The following RBFOX1 variants were observed in gnomAD, a reference collection of about 807,000 sequenced individuals.
RBFOX1 encodes RNA binding fox-1 homolog 1.
RBFOX1 carries 8 observed loss-of-function variants against 57.7 expected under a neutral mutation model. The observed-to-expected ratio is 0.14, with a 90% CI of 0.08 to 0.25. The LOEUF (loss-of-function observed/expected upper bound fraction) is 0.25, where lower values mean the gene tolerates loss of function less well. RBFOX1 is among the 10% of genes least tolerant of loss of function. RBFOX1 has a pLI of 1.00. For synonymous variants in RBFOX1, 326 were observed against 222.4 expected (o/e 1.47, Z -4.15); for missense variants, 611 against 548.5 (o/e 1.11, Z -1.14).
chr16:6,721,130 A>G (rs2065905019), intron 3 of RBFOX1, among the ~76,000 whole-genome samples: 2 of 150,850 alleles, frequency 1.3e-5, no homozygotes, highest in South Asian at 4.3e-4. Flanking sequence ...TAATTGTGGT[A>G]AAGTACACGT....
chr16:5,956,670 A>ATT (rs1303621980), intron 4 of RBFOX1, among the ~76,000 whole-genome samples: 5 of 45,850 alleles, frequency 1.1e-4, no homozygotes, highest in East Asian at 1.3e-3. Context: ...ATATATATAT[A>ATT]TATATATATT....
At chr16:7,479,398 G>C (rs1242597706) in intron 4 of RBFOX1, among the ~76,000 whole-genome samples, 1 of 152,092 alleles carries the variant, frequency 6.6e-6, no homozygotes, top group African/African-American at 2.4e-5. Flanking sequence ...CCAAAGTGCT[G>C]GGATTACAGG....
At chr16:7,306,388 A>G (rs2096186503) in intron 4 of RBFOX1, among the ~76,000 whole-genome samples, 1 of 152,234 alleles carries the variant, frequency 6.6e-6, no homozygotes, top group South Asian at 2.1e-4. Context: ...GGAGGCTTGA[A>G]GAAAACATTG....
chr16:6,068,520 T>G (rs12149687), intron 1 of RBFOX1, among the ~76,000 whole-genome samples: 142,352 of 152,082 alleles, frequency 0.94, 66,732 homozygotes, highest in African/African-American at 0.98. Flanking sequence ...TTTATTGGGG[T>G]TGTGAAGATA....
At chr16:5,871,929 G>C (rs991674175) in intron 4 of RBFOX1, among the ~76,000 whole-genome samples, 2 of 152,154 alleles carry the variant, frequency 1.3e-5, no homozygotes, top group African/African-American at 4.8e-5. Flanking sequence ...ATTGCAATGG[G>C]AAACTACGCA....
intron 4 of RBFOX1, among the ~76,000 whole-genome samples, chr16:7,455,989 C>T (rs1355619266): frequency 6.6e-6 from 1 of 152,108 alleles, no homozygotes; most frequent in Admixed American, 6.5e-5. Flanking sequence ...TTATTAAGGG[C>T]AGGGCCAGCT....
At chr16:5,476,434 C>T (rs1339823115) in intron 2 of RBFOX1, among the ~76,000 whole-genome samples, 8 of 152,176 alleles carry the variant, frequency 5.3e-5, no homozygotes, top group African/African-American at 1.4e-4. Flanking sequence ...AGAACACAGT[C>T]GTTCTCCCTA....
Position 6,548,025 on chromosome 16 carries a change from T to C in RBFOX1, c.-63-106578T>C, listed in dbSNP as rs187209969. The stretch of plus-strand genomic sequence containing the variant: ...ATAGCCCTTATTATCTATTTTCTTA[T>C]TGACAAGCTCAGACTATTCATCGTA... On this transcript the variant is annotated intron_variant, in intron 2 of 15. Transcript: ENST00000550418. Among the ~76,000 whole-genome samples, 584 of 152,312 alleles carry C rather than the reference T, an allele frequency of 3.8e-3. 9 individuals are homozygous for C. Among genetic ancestry groups the C allele is most frequent in the African/African-American group, 0.013 (545 of 41,564 alleles).
At chr16:7,563,461 T>TAC (rs201380250) in intron 5 of RBFOX1, among the ~76,000 whole-genome samples, 178 of 152,286 alleles carry the variant, frequency 1.2e-3, no homozygotes, top group African/African-American at 4.2e-3. Flanking sequence ...GTTATATATA[T>TAC]ACATGTTTTT....
At chr16:5,517,272 G>A (rs906817517) in intron 2 of RBFOX1, among the ~76,000 whole-genome samples, 62 of 152,078 alleles carry the variant, frequency 4.1e-4, no homozygotes, top group African/African-American at 1.2e-3. Flanking sequence ...GCAGAATTGC[G>A]CAGAATTGTT....
chr16:7,277,981 T>C lies in RBFOX1; in HGVS notation c.27+225883T>C, dbSNP rs1397205622. The stretch of plus-strand genomic sequence containing the variant: ...AAAAAAAGGTACTAAGACATTAATA[T>C]TTTATTGAAAAGAGGCAAGAATTCT... On this transcript the variant is annotated intron_variant, in intron 4 of 15. Coordinates refer to ENST00000550418, the MANE Select transcript of RBFOX1 (RefSeq NM_018723.4). Among the ~76,000 whole-genome samples the C allele has an allele frequency of 2.0e-5, 3 of 152,048 alleles. No individual in the cohort carries two copies. The East Asian group carries it at 5.8e-4, about 29-fold the overall frequency.
At chr16:6,304,072 A>C (rs149858444) in intron 1 of RBFOX1, among the ~76,000 whole-genome samples, 9,825 of 151,142 alleles carry the variant, frequency 0.065, 354 homozygotes, top group South Asian at 0.097. Context: ...GGCCTCCCAA[A>C]GTGCTGGGAT....
chr16:7,406,978 C>G (rs914408380), intron 4 of RBFOX1, among the ~76,000 whole-genome samples: 16 of 152,172 alleles, frequency 1.1e-4, no homozygotes, highest in African/African-American at 3.9e-4. Context: ...TTTGTATGTC[C>G]TGTGATCTCT....
At chr16:7,561,332 A>G (rs1180419605) in intron 5 of RBFOX1, among the ~76,000 whole-genome samples, 1 of 152,230 alleles carries the variant, frequency 6.6e-6, no homozygotes, top group Non-Finnish European at 1.5e-5. Context: ...GGCCCTTTAA[A>G]GAAAAAGCAT....
chr16:6,863,009 G>T (rs906384221), intron 3 of RBFOX1, among the ~76,000 whole-genome samples: 1 of 151,722 alleles, frequency 6.6e-6, no homozygotes, highest in Non-Finnish European at 1.5e-5. Flanking sequence ...AAGACAGGCC[G>T]CAGCTGATTT....
At chr16:7,267,480 G>A (rs12102685) in intron 4 of RBFOX1, among the ~76,000 whole-genome samples, 37,151 of 151,984 alleles carry the variant, frequency 0.24, 4,826 homozygotes, top group South Asian at 0.3. Flanking sequence ...AGGTTGCAGC[G>A]AGCCAAGGTT....
intron 3 of RBFOX1, among the ~76,000 whole-genome samples, chr16:6,665,731 G>A (rs924935579): frequency 6.6e-6 from 1 of 151,610 alleles, no homozygotes; most frequent in East Asian, 1.9e-4. Flanking sequence ...CAACTACCTT[G>A]CATTGAGGAT....
intron 4 of RBFOX1, among the ~76,000 whole-genome samples, chr16:5,878,487 C>G (rs976076532): frequency 6.6e-6 from 1 of 152,190 alleles, no homozygotes; most frequent in Admixed American, 6.5e-5. Flanking sequence ...TGCAATTTGC[C>G]TTCTGAACCA....
At chr16:5,838,302 C>A (rs1286368588) in intron 3 of RBFOX1, 3 of 222,466 alleles carry the variant, frequency 1.3e-5, no homozygotes, top group Non-Finnish European at 2.9e-5. Context: ...CTGCCTCTTT[C>A]CACATGTACA....
Sources: gnomAD v4.1 joint callset for allele counts (sites outside exome capture counted in the v4.1 genomes callset) on GRCh38, gnomAD v4.1.1 for gene constraint, MANE v1.5 for transcripts, NCBI Gene and HGNC (gene_info 2026-07-23, HGNC 2026-07-21) for gene names.